The following SAMD4A variants were observed in gnomAD, a reference collection of about 807,000 sequenced individuals.
SAMD4A encodes sterile alpha motif domain containing 4A.
A neutral mutation model predicts 81.3 loss-of-function variants in SAMD4A; 33 were observed. The observed-to-expected ratio is 0.41, with a 90% CI of 0.31 to 0.54. The LOEUF is 0.54. Ranked by LOEUF, SAMD4A falls within the 20% of genes least tolerant of loss-of-function variation. The pLI is 0.37. For missense variants in SAMD4A, 854 were observed against 951.1 expected (o/e 0.90, Z 1.34); for synonymous variants, 389 against 382.1 (o/e 1.02, Z -0.21).
At chr14:54,584,319 C>CAGG (rs922069401) in intron 2 of SAMD4A, among the ~76,000 whole-genome samples, 2 of 152,134 alleles carry the variant, frequency 1.3e-5, no homozygotes, top group African/African-American at 2.4e-5. Context: ...CTTGCATGTG[C>CAGG]AGGAGTAGGA....
chr14:54,647,263 C>T (rs757359979), intron 2 of SAMD4A, among the ~76,000 whole-genome samples: 3 of 152,122 alleles, frequency 2.0e-5, no homozygotes, highest in Non-Finnish European at 4.4e-5. Context: ...AATTGATTTG[C>T]AGGTGTCATC....
At chr14:54,597,206 G>C (rs1195201684) in intron 2 of SAMD4A, among the ~76,000 whole-genome samples, 1 of 151,746 alleles carries the variant, frequency 6.6e-6, no homozygotes, top group African/African-American at 2.4e-5. Context: ...TGTTAGGTAG[G>C]CATGCTTCAG....
chr14:54,762,891 G>T (rs1238019761), intron 7 of SAMD4A, among the ~76,000 whole-genome samples: 5 of 146,996 alleles, frequency 3.4e-5, no homozygotes, highest in African/African-American at 1.3e-4. Flanking sequence ...GTCTCGCTCT[G>T]TCACGCAGGC....
At chr14:54,571,664 G>C (rs1367345247) in intron 2 of SAMD4A, among the ~76,000 whole-genome samples, 2 of 152,142 alleles carry the variant, frequency 1.3e-5, no homozygotes, top group African/African-American at 4.8e-5. Flanking sequence ...TTAAATACAA[G>C]AGAAAAGGGT....
chr14:54,725,342 G>A (rs1410808846), intron 3 of SAMD4A, among the ~76,000 whole-genome samples: 1 of 152,174 alleles, frequency 6.6e-6, no homozygotes, highest in African/African-American at 2.4e-5. Context: ...ATGAAATGTG[G>A]ACACTTAAAA....
intron 2 of SAMD4A, among the ~76,000 whole-genome samples, chr14:54,697,648 G>T (rs2036609381): frequency 6.6e-6 from 1 of 152,150 alleles, no homozygotes; most frequent in East Asian, 1.9e-4. Context: ...AAACCAAGTG[G>T]CTAAAACTTC....
intron 2 of SAMD4A, among the ~76,000 whole-genome samples, chr14:54,675,740 A>C (rs1237135942): frequency 6.6e-6 from 1 of 152,224 alleles, no homozygotes; most frequent in Non-Finnish European, 1.5e-5. Flanking sequence ...ACATTTTTGA[A>C]AGTGAGGCGA....
At position 54,603,395 on chromosome 14, in the gene SAMD4A, A is replaced by T. The variant is rs1338093641; in HGVS notation, c.196+35283A>T. On this transcript the variant is annotated intron_variant, in intron 2 of 12. Transcript: ENST00000554335. ...AATTTAGGCAGTTTTATGAATATGG[A>T]TTTTAACTCTGACCTAAATGAGCTG... 3.3e-5 allele frequency among the ~76,000 whole-genome samples: 5 copies of T among 152,242 alleles called. No individual in the cohort carries two copies. The East Asian group carries it at 9.6e-4, about 29-fold the overall frequency.
At chr14:54,637,224 G>A (rs1001935297) in intron 2 of SAMD4A, among the ~76,000 whole-genome samples, 3 of 151,938 alleles carry the variant, frequency 2.0e-5, no homozygotes, top group African/African-American at 7.3e-5. Flanking sequence ...AGTTAGTTGG[G>A]CATGGTGGCG....
intron 2 of SAMD4A, among the ~76,000 whole-genome samples, chr14:54,647,611 TAGAAG>T (rs1297376538): frequency 6.6e-6 from 1 of 152,216 alleles, no homozygotes; most frequent in Non-Finnish European, 1.5e-5. Context: ...TTACTCTGCG[TAGAAG>T]AGAAGTTTTA....
chr14:54,687,801 G>A (rs1330973119), intron 2 of SAMD4A, among the ~76,000 whole-genome samples: 3 of 152,178 alleles, frequency 2.0e-5, no homozygotes, highest in Non-Finnish European at 4.4e-5. Context: ...TGTTTGAGAT[G>A]TAAAATGTTA....
At chr14:54,669,407 T>C (rs1311265468) in intron 2 of SAMD4A, among the ~76,000 whole-genome samples, 1 of 151,988 alleles carries the variant, frequency 6.6e-6, no homozygotes, top group Non-Finnish European at 1.5e-5. Flanking sequence ...ATAAAGAATA[T>C]TTAAGGAGAG....
At chr14:54,777,703 G>GGGA (rs965806210) in intron 11 of SAMD4A, among the ~76,000 whole-genome samples, 1 of 152,104 alleles carries the variant, frequency 6.6e-6, no homozygotes, top group Non-Finnish European at 1.5e-5. Flanking sequence ...TGGGAGGTCA[G>GGGA]GGAGGAGGAG....
At chr14:54,750,931 A>G (rs576019161) in intron 5 of SAMD4A, among the ~76,000 whole-genome samples, 2 of 152,358 alleles carry the variant, frequency 1.3e-5, no homozygotes, top group South Asian at 4.1e-4. Context: ...AAGCACAGTC[A>G]AAAGACACGG....
intron 3 of SAMD4A, among the ~76,000 whole-genome samples, chr14:54,736,519 A>G (rs376932563): frequency 2.0e-5 from 3 of 152,220 alleles, no homozygotes; most frequent in African/African-American, 7.2e-5. Context: ...AGATTAGTCC[A>G]CCTTCTTCTG....
At position 54,773,325 on chromosome 14, in the gene SAMD4A, C is replaced by T. The variant is rs1330743374; in HGVS notation, c.1716-1609C>T. Among the ~76,000 whole-genome samples the T allele has an allele frequency of 2.6e-5, 4 of 152,320 alleles. No homozygotes were observed. The East Asian group carries it at 5.8e-4, about 22-fold the overall frequency. ...CTATCACCCTCAACTGGTTAAACTA[C>T]GTCAGCCCTGCTTCCCGGAGTCTCC... On this transcript the variant is annotated intron_variant, in intron 9 of 12. Transcript: ENST00000554335.
At chr14:54,703,572 G>A (rs867677284) in intron 3 of SAMD4A, 1 of 152,130 alleles carries the variant, frequency 6.6e-6, no homozygotes, top group East Asian at 1.9e-4. Flanking sequence ...GATATGAGAG[G>A]ATTAATAATT....
chr14:54,590,325 C>T (rs766308902), intron 2 of SAMD4A, among the ~76,000 whole-genome samples: 7 of 151,942 alleles, frequency 4.6e-5, no homozygotes, highest in Non-Finnish European at 7.4e-5. Context: ...TTCATCTCTA[C>T]GGAAAACAAA....
intron 4 of SAMD4A, among the ~76,000 whole-genome samples, chr14:54,739,763 C>G (rs1184249971): frequency 1.3e-5 from 2 of 152,182 alleles, no homozygotes; most frequent in Non-Finnish European, 2.9e-5. Context: ...AAACGACTTC[C>G]TATGAGTGCA....
Sources: allele counts gnomAD v4.1 joint callset (sites outside exome capture counted in the v4.1 genomes callset), GRCh38; gene constraint gnomAD v4.1.1; transcripts MANE v1.5; gene names NCBI Gene and HGNC (gene_info 2026-07-23, HGNC 2026-07-21).